LRRTM4: variants seen among roughly 807,000 people sequenced by gnomAD.
LRRTM4 encodes leucine rich repeat transmembrane neuronal 4.
LRRTM4 carries 25 observed loss-of-function variants against 47.6 expected under a neutral mutation model. That is an observed-to-expected ratio of 0.53 (90% CI 0.38 to 0.73). The LOEUF (loss-of-function observed/expected upper bound fraction) is 0.73. Ranked by LOEUF, LRRTM4 falls within the 30% of genes least tolerant of loss-of-function variation. The pLI is 0.00. For missense variants in LRRTM4, 638 were observed against 713.4 expected, an observed-to-expected ratio of 0.89 and a Z score of 1.20; for synonymous variants, 311 against 269.5, an observed-to-expected ratio of 1.15 and a Z score of -1.51.
intron 3 of LRRTM4, among the ~76,000 whole-genome samples, chr2:76,913,015 A>G (rs1374316127): frequency 1.3e-5 from 2 of 152,184 alleles, no homozygotes; most frequent in African/African-American, 4.8e-5. Context: ...GAACGGACTG[A>G]TATAGGGGTC....
At chr2:76,981,280 A>C (rs536838451) in intron 3 of LRRTM4, among the ~76,000 whole-genome samples, 41 of 152,236 alleles carry the variant, frequency 2.7e-4, no homozygotes, top group African/African-American at 9.4e-4. Flanking sequence ...GAAGATAATA[A>C]AACATAGAAA....
chr2:76,753,199 G>C (rs1351542156), intron 3 of LRRTM4, among the ~76,000 whole-genome samples: 1 of 152,122 alleles, frequency 6.6e-6, no homozygotes, highest in Non-Finnish European at 1.5e-5. Flanking sequence ...ATCCTCTTGA[G>C]TTTCAAGTAA....
chr2:77,425,563 G>T (rs559847835), intron 3 of LRRTM4, among the ~76,000 whole-genome samples: 1 of 152,208 alleles, frequency 6.6e-6, no homozygotes, highest in East Asian at 1.9e-4. Flanking sequence ...TCCCTCTAAA[G>T]ATTGTTTTCT....
In LRRTM4 at chr2:76,873,520, A is replaced by ACATATATATATATATATG. The variant is rs764805070; in HGVS notation, c.1552-124605_1552-124604insCATATATATATATATATG. 5.4e-3 allele frequency among the ~76,000 whole-genome samples: 775 copies of ACATATATATATATATATG among 143,552 alleles called. 11 individuals carry two copies. Among genetic ancestry groups the ACATATATATATATATATG allele is most frequent in the Middle Eastern group, 0.011 (3 of 274 alleles). The allele number at this position is 143,552 out of a possible 152,430, so 94.2% of individuals were successfully genotyped here. On this transcript the variant is annotated intron_variant, in intron 3 of 3. Transcript: ENST00000409884. Reference sequence around the variant, plus strand: ...TATATATGTGTGTATATATATATATATATATATATATATACAACATAGTTG... The same window carrying ACATATATATATATATATG: ...TATATATGTGTGTATATATATATATACATATATATATATATATGTATATATATATATACAACATAGTTG...
chr2:77,222,195 A>C (rs1334415825), intron 3 of LRRTM4, among the ~76,000 whole-genome samples: 1 of 152,230 alleles, frequency 6.6e-6, no homozygotes, highest in Non-Finnish European at 1.5e-5. Context: ...TCTCTGGGAC[A>C]CATTCAAAGC....
chr2:77,079,556 G>C (rs1323608642), intron 3 of LRRTM4, among the ~76,000 whole-genome samples: 2 of 152,118 alleles, frequency 1.3e-5, no homozygotes, highest in African/African-American at 2.4e-5. Context: ...TATTGCTAGT[G>C]TTAGTGTATT....
At chr2:77,025,504 T>C (rs1312776011) in intron 3 of LRRTM4, among the ~76,000 whole-genome samples, 2 of 152,170 alleles carry the variant, frequency 1.3e-5, no homozygotes, top group Non-Finnish European at 2.9e-5. Flanking sequence ...TGGCAAAGAT[T>C]CTTATTCCTC....
At chr2:77,460,112 A>C (rs1217899131) in intron 3 of LRRTM4, among the ~76,000 whole-genome samples, 2 of 152,152 alleles carry the variant, frequency 1.3e-5, no homozygotes, top group African/African-American at 4.8e-5. Context: ...CACATGTGAA[A>C]CTGAAAGAAT....
At chr2:77,071,230 CAAT>C (rs939814479) in intron 3 of LRRTM4, among the ~76,000 whole-genome samples, 7 of 152,268 alleles carry the variant, frequency 4.6e-5, no homozygotes, top group African/African-American at 1.7e-4. Flanking sequence ...AGATTCTATA[CAAT>C]AATTACATAA....
intron 3 of LRRTM4, among the ~76,000 whole-genome samples, chr2:77,040,900 C>T (rs1451829106): frequency 2.6e-5 from 4 of 151,076 alleles, no homozygotes; most frequent in African/African-American, 4.9e-5. Context: ...AATAGTATAC[C>T]TATCACCTCA....
chr2:77,393,115 T>A (rs1335249574), intron 3 of LRRTM4, among the ~76,000 whole-genome samples: 1 of 152,072 alleles, frequency 6.6e-6, no homozygotes, highest in Non-Finnish European at 1.5e-5. Flanking sequence ...ATTCTCTTTT[T>A]TCATCTTATC....
At chr2:76,774,364 G>T (rs2860867) in intron 3 of LRRTM4, among the ~76,000 whole-genome samples, 27,484 of 151,662 alleles carry the variant, frequency 0.18, 2,615 homozygotes, top group South Asian at 0.25. Context: ...GATAATTTTT[G>T]TATTTTTAGT....
chr2:77,049,884 T>C (rs1348561923), intron 3 of LRRTM4, among the ~76,000 whole-genome samples: 2 of 152,052 alleles, frequency 1.3e-5, no homozygotes, highest in Admixed American at 6.6e-5. Context: ...TGTTCTTTAG[T>C]GTTTCCTCTC....
chr2:77,285,254 A>T lies in LRRTM4; in HGVS notation c.1551+233064T>A, dbSNP rs137926457. On this transcript the variant is annotated intron_variant, in intron 3 of 3. Transcript: ENST00000409884. The stretch of plus-strand genomic sequence containing the variant: ...AGCAATGGGGATATTTTCAACTCAC[A>T]GTAAAAGGAAATGTCTTAGTACTAA... 4.4e-3 allele frequency among the ~76,000 whole-genome samples: 663 copies of T among 150,184 alleles called. 2 individuals carry two copies. Among genetic ancestry groups the T allele is most frequent in the African/African-American group, 0.015 (629 of 41,056 alleles).
chr2:77,448,987 A>C (rs1351747748), intron 3 of LRRTM4, among the ~76,000 whole-genome samples: 2 of 152,200 alleles, frequency 1.3e-5, no homozygotes, highest in Admixed American at 6.6e-5. Flanking sequence ...GTATATCAGA[A>C]GTATTTTTAT....
chr2:77,176,910 G>A (rs978300002), intron 3 of LRRTM4, among the ~76,000 whole-genome samples: 46 of 152,128 alleles, frequency 3.0e-4, no homozygotes, highest in African/African-American at 1.9e-4. Context: ...CTCACTGGTC[G>A]TTATATGCTA....
intron 3 of LRRTM4, among the ~76,000 whole-genome samples, chr2:77,068,143 A>G (rs897413720): frequency 2.6e-5 from 4 of 152,178 alleles, no homozygotes; most frequent in Non-Finnish European, 1.5e-5. Flanking sequence ...TTATTTGTGT[A>G]TAATCTATTA....
chr2:76,783,007 C>CATAT (rs139968451), intron 3 of LRRTM4, among the ~76,000 whole-genome samples: 6 of 150,116 alleles, frequency 4.0e-5, no homozygotes, highest in South Asian at 4.2e-4. Context: ...CTTGTTCAGC[C>CATAT]ATATATATAT....
At position 77,076,906 on chromosome 2, in the gene LRRTM4, TAAG is replaced by T. The variant is rs778162352; in HGVS notation, c.1552-327993_1552-327991del. On this transcript the variant is annotated intron_variant, in intron 3 of 3. Coordinates refer to ENST00000409884, the MANE Select transcript of LRRTM4 (RefSeq NM_001134745.3). ...AAATTTACATCAGTCATCCCTTTGT[TAAG>T]AAGCATCCTTTTCTCTCCCCTGTAT... Among the ~76,000 whole-genome samples the T allele has an allele frequency of 5.0e-4, 76 of 152,308 alleles. 1 individual carries two copies. The highest frequency in any genetic ancestry group is 3.4e-3 in the Middle Eastern group (1 of 294).
Sources: gnomAD v4.1 joint callset for allele counts (sites outside exome capture counted in the v4.1 genomes callset) on GRCh38, gnomAD v4.1.1 for gene constraint, MANE v1.5 for transcripts, NCBI Gene and HGNC (gene_info 2026-07-23, HGNC 2026-07-21) for gene names.